Variants in ANKRD30BL observed in about 807,000 individuals in gnomAD.
ANKRD30BL encodes the protein putative ankyrin repeat domain-containing protein 30B-like.
In ANKRD30BL, 20 loss-of-function variants were observed where a neutral mutation model predicts 18.4. The observed-to-expected ratio is 1.09, with a 90% CI of 0.77 to 1.58. ANKRD30BL has a LOEUF of 1.58. ANKRD30BL is among the 40% of genes most tolerant of loss of function. The pLI is 0.00. For synonymous variants in ANKRD30BL, 72 were observed against 100.9 expected, an observed-to-expected ratio of 0.71 and a Z score of 1.72; for missense variants, 224 against 268.6, an observed-to-expected ratio of 0.83 and a Z score of 1.16.
chr2:132,165,013 G>T (rs1179061243), upstream of ANKRD30BL, among the ~76,000 whole-genome samples: 2 of 152,092 alleles, frequency 1.3e-5, no homozygotes, highest in African/African-American at 2.4e-5. Flanking sequence ...TGCGGAGCTT[G>T]CAGTGAGCCG....
intron 4 of ANKRD30BL, chr2:132,153,829 T>G (rs1181757709): frequency 2.8e-6 from 1 of 354,386 alleles, no homozygotes; most frequent in Non-Finnish European, 5.6e-6. Flanking sequence ...TCCTTGTAAA[T>G]CACGACCAAG....
intron 1 of ANKRD30BL, among the ~76,000 whole-genome samples, chr2:132,218,985 C>A (rs1271086548): frequency 6.6e-6 from 1 of 152,040 alleles, no homozygotes; most frequent in Non-Finnish European, 1.5e-5. Flanking sequence ...CACATAAACA[C>A]CAGACAGAAG....
At chr2:132,241,932 C>G (rs1169852716) in intron 1 of ANKRD30BL, among the ~76,000 whole-genome samples, 2 of 145,076 alleles carry the variant, frequency 1.4e-5, no homozygotes, top group Non-Finnish European at 3.1e-5. Context: ...GTTGAACATT[C>G]CTTTTCATAG....
At chr2:132,227,783 A>G (rs1679887949) in intron 1 of ANKRD30BL, among the ~76,000 whole-genome samples, 1 of 152,158 alleles carries the variant, frequency 6.6e-6, no homozygotes, top group African/African-American at 2.4e-5. Context: ...TTCAACTCAA[A>G]TAGCTGAAAC....
intron 1 of ANKRD30BL, among the ~76,000 whole-genome samples, chr2:132,186,487 C>G (rs538933122): frequency 8.5e-5 from 13 of 152,278 alleles, no homozygotes; most frequent in African/African-American, 2.9e-4. Context: ...TAAAATTCTG[C>G]CCATTTTGGT....
chr2:132,249,152 A>C (rs1573894304), intron 1 of ANKRD30BL, among the ~76,000 whole-genome samples: 3 of 152,218 alleles, frequency 2.0e-5, no homozygotes, highest in Non-Finnish European at 4.4e-5. Context: ...CATAGGCCTC[A>C]AAGTGTTCAC....
At chr2:132,201,093 T>C (rs923212718) in intron 1 of ANKRD30BL, among the ~76,000 whole-genome samples, 2 of 152,146 alleles carry the variant, frequency 1.3e-5, no homozygotes, top group African/African-American at 4.8e-5. Context: ...GCTAGCCATA[T>C]GTAGAAAGCT....
At chr2:132,251,947 C>T (rs965383932) in intron 1 of ANKRD30BL, among the ~76,000 whole-genome samples, 23 of 152,192 alleles carry the variant, frequency 1.5e-4, no homozygotes, top group African/African-American at 5.6e-4. Context: ...CATGGAGAGA[C>T]CTTGTGAAGC....
chr2:132,189,591 C>G (rs1303088159), intron 1 of ANKRD30BL, among the ~76,000 whole-genome samples: 3 of 151,018 alleles, frequency 2.0e-5, no homozygotes, highest in African/African-American at 4.9e-5. Flanking sequence ...TTTGCCTATT[C>G]AGAAAGCTGC....
intron 1 of ANKRD30BL, among the ~76,000 whole-genome samples, chr2:132,240,735 C>T (rs1399315458): frequency 6.6e-6 from 1 of 151,696 alleles, no homozygotes; most frequent in African/African-American, 2.4e-5. Context: ...CAGAGTTGAA[C>T]ATTACCTTTC....
chr2:132,161,225 A>G (rs541239506), intron 1 of ANKRD30BL, among the ~76,000 whole-genome samples: 95 of 152,174 alleles, frequency 6.2e-4, no homozygotes, highest in African/African-American at 2.2e-3. Context: ...AGGAAGTGGG[A>G]GTGAAGGAGA....
chr2:132,227,292 A>G (rs1426213538), intron 1 of ANKRD30BL, among the ~76,000 whole-genome samples: 2 of 152,002 alleles, frequency 1.3e-5, no homozygotes, highest in African/African-American at 4.8e-5. Flanking sequence ...TTCTTTTGAT[A>G]GAACAGTTTT....
chr2:132,201,407 A>G lies in ANKRD30BL; in HGVS notation n.442-44261T>C, dbSNP rs373133857. On this transcript the variant is annotated intron_variant and non_coding_transcript_variant, in intron 1 of 4. Coordinates refer to the ANKRD30BL transcript ENST00000470729. The stretch of plus-strand genomic sequence containing the variant: ...TCGCAACCTACTCATCTGACAAAGG[A>G]CTAATATCCAGAATCTACAATGAAC... Among the ~76,000 whole-genome samples the G allele has an allele frequency of 9.1e-4, 138 of 152,150 alleles. 1 individual carries two copies. In the East Asian group the frequency reaches 0.02, roughly 22 times the overall value.
intron 1 of ANKRD30BL, among the ~76,000 whole-genome samples, chr2:132,230,789 G>T (rs569643726): frequency 6.6e-6 from 1 of 152,122 alleles, no homozygotes; most frequent in Non-Finnish European, 1.5e-5. Flanking sequence ...GGAGCACTTT[G>T]AGGCCTATGG....
chr2:132,168,909 AC>A (rs747486421), intron 1 of ANKRD30BL, among the ~76,000 whole-genome samples: 34 of 148,150 alleles, frequency 2.3e-4, no homozygotes, highest in Non-Finnish European at 3.4e-4. Flanking sequence ...AGAAAAAAAA[AC>A]ATTTGTACAG....
intron 1 of ANKRD30BL, among the ~76,000 whole-genome samples, chr2:132,238,020 TCA>T (rs1188209464): frequency 2.0e-5 from 3 of 152,050 alleles, no homozygotes; most frequent in African/African-American, 7.2e-5. Flanking sequence ...TGCATTCAAA[TCA>T]CAGATTCGAA....
At chr2:132,235,276 A>G (rs1320761508) in intron 1 of ANKRD30BL, among the ~76,000 whole-genome samples, 2 of 152,196 alleles carry the variant, frequency 1.3e-5, no homozygotes, top group African/African-American at 4.8e-5. Flanking sequence ...GAAAACTGGC[A>G]CAAGACAGGG....
At chr2:132,206,877 G>A (rs561104442) in intron 1 of ANKRD30BL, among the ~76,000 whole-genome samples, 2,077 of 151,964 alleles carry the variant, frequency 0.014, no homozygotes, top group Non-Finnish European at 0.015. Flanking sequence ...TTCTAGCACC[G>A]GGTGATCACT....
At chr2:132,194,644 C>CG (rs1417716577) in intron 1 of ANKRD30BL, among the ~76,000 whole-genome samples, 1 of 152,232 alleles carries the variant, frequency 6.6e-6, no homozygotes, top group Non-Finnish European at 1.5e-5. Flanking sequence ...GTAAGATCTG[C>CG]ACCTTAGTCT....
Sources: gnomAD v4.1 joint callset for allele counts (sites outside exome capture counted in the v4.1 genomes callset) on GRCh38, gnomAD v4.1.1 for gene constraint, MANE v1.5 for transcripts, NCBI Gene and HGNC (gene_info 2026-07-23, HGNC 2026-07-21) for gene names.